ATP2B2: variants seen among roughly 807,000 people sequenced by gnomAD.
ATP2B2 encodes the protein ATPase plasma membrane Ca2+ transporting 2, also known as plasma membrane calcium-transporting ATPase 2.
Under a neutral mutation model 120.0 loss-of-function variants are expected in ATP2B2, and 15 were observed. That is an observed-to-expected ratio of 0.12 (90% confidence interval 0.08 to 0.19). The LOEUF (loss-of-function observed/expected upper bound fraction) is 0.19. Among genes scored for constraint, ATP2B2 ranks in the 10% least tolerant of loss-of-function variants. ATP2B2 has a pLI of 1.00. For missense variants in ATP2B2, 1,045 were observed against 1,719.8 expected (o/e 0.61, Z 6.94); for synonymous variants, 694 against 700.3 (o/e 0.99, Z 0.14).
intron 1 of ATP2B2, among the ~76,000 whole-genome samples, chr3:10,660,331 C>G (rs979736274): frequency 6.6e-6 from 1 of 151,906 alleles, no homozygotes; most frequent in Non-Finnish European, 1.5e-5. Flanking sequence ...AAAAGATCAA[C>G]AAAATTGATA....
chr3:10,367,803 C>A (rs924741428), intron 12 of ATP2B2, among the ~76,000 whole-genome samples: 3 of 152,230 alleles, frequency 2.0e-5, no homozygotes, highest in Non-Finnish European at 4.4e-5. Context: ...GTGTCACCCA[C>A]TCTGTGGGTT....
chr3:10,634,155 T>C (rs944725415), intron 1 of ATP2B2, among the ~76,000 whole-genome samples: 1 of 152,206 alleles, frequency 6.6e-6, no homozygotes, highest in Non-Finnish European at 1.5e-5. Context: ...CTGAGTTCCT[T>C]TCTGAATCAA....
intron 1 of ATP2B2, among the ~76,000 whole-genome samples, chr3:10,675,345 C>T (rs994161401): frequency 1.3e-5 from 2 of 152,228 alleles, no homozygotes; most frequent in African/African-American, 4.8e-5. Context: ...TCGTTGACCA[C>T]GTTCCCTTGT....
Position 10,402,007 on chromosome 3 carries a change from G to C in ATP2B2, c.655+84C>G. ...TTCAGGAATGCATCCCCTTCCTTGA[G>C]CCAATCTCTTTGCATCAGCCTGGCC... On this transcript the variant is annotated intron_variant, in intron 4 of 22. Transcript: ENST00000360273. This position sits in a 1 kb window ranked among gnomAD's most constrained non-coding sequence, Gnocchi z 4.9. 7 of 1,597,676 alleles carry C rather than the reference G, an allele frequency of 4.4e-6. No homozygotes were observed. The South Asian group carries it at 7.7e-5, about 18-fold the overall frequency.
intron 2 of ATP2B2, among the ~76,000 whole-genome samples, chr3:10,605,853 TG>T (rs1184812382): frequency 1.3e-5 from 2 of 152,180 alleles, no homozygotes; most frequent in African/African-American, 4.8e-5. Context: ...TTCGCCATGT[TG>T]GCCAGGCTGG....
intron 1 of ATP2B2, among the ~76,000 whole-genome samples, chr3:10,650,642 C>T (rs915234222): frequency 2.4e-4 from 37 of 152,216 alleles, no homozygotes; most frequent in African/African-American, 8.7e-4. Context: ...GCAGCCCCTC[C>T]TATCACAGGC....
At chr3:10,504,258 C>T (rs1049379361) in intron 1 of ATP2B2, among the ~76,000 whole-genome samples, 10 of 152,198 alleles carry the variant, frequency 6.6e-5, no homozygotes, top group Middle Eastern at 3.4e-3. Flanking sequence ...CCAAGGCCTG[C>T]GCTCCAAGCC....
intron 1 of ATP2B2, among the ~76,000 whole-genome samples, chr3:10,470,583 G>A (rs191801958): frequency 6.6e-6 from 1 of 152,306 alleles, no homozygotes; most frequent in East Asian, 1.9e-4. Context: ...GTGGTCCCAG[G>A]ATGAGCTAAG....
At chr3:10,334,206 G>A (rs1377960363) in intron 22 of ATP2B2, among the ~76,000 whole-genome samples, 1 of 152,206 alleles carries the variant, frequency 6.6e-6, no homozygotes, top group Non-Finnish European at 1.5e-5. Flanking sequence ...GTGAAGTGCT[G>A]CCCTTCAAGA....
chr3:10,402,412 G>A lies in ATP2B2; in HGVS notation c.398-64C>T, dbSNP rs142084374. On this transcript the variant is annotated intron_variant, in intron 3 of 22. Coordinates refer to ENST00000360273, the MANE Select transcript of ATP2B2 (RefSeq NM_001001331.4). The surrounding 1 kb of genome is among the most constrained non-coding windows in gnomAD (Gnocchi z 4.9). The stretch of plus-strand genomic sequence containing the variant: ...CAGACAGGAGAGGCCTCATGGGCCT[G>A]GATTTACAGCTCAGCTCTGCAAAGT... The A allele has an allele frequency of 5.6e-5, 89 of 1,597,998 alleles. No individual in the cohort carries two copies. Among genetic ancestry groups the A allele is most frequent in the Non-Finnish European group, 7.0e-5 (82 of 1,173,770 alleles).
chr3:10,439,491 T>C (rs1270116542), intron 2 of ATP2B2, among the ~76,000 whole-genome samples: 1 of 152,108 alleles, frequency 6.6e-6, no homozygotes, highest in African/African-American at 2.4e-5. Context: ...GCCAGGCACA[T>C]TGTGTGTTCT....
At chr3:10,636,432 C>T (rs1414970681) in intron 1 of ATP2B2, among the ~76,000 whole-genome samples, 1 of 152,204 alleles carries the variant, frequency 6.6e-6, no homozygotes, top group Middle Eastern at 3.4e-3. Flanking sequence ...ATGTCTAAGA[C>T]CCCAGGGAGA....
At chr3:10,610,072 CACAT>C (rs766613206) in intron 2 of ATP2B2, among the ~76,000 whole-genome samples, 1,852 of 71,976 alleles carry the variant, frequency 0.026, 18 homozygotes, top group Middle Eastern at 0.074. Flanking sequence ...TACATATACA[CACAT>C]ACACACACAC....
intron 5 of ATP2B2, among the ~76,000 whole-genome samples, chr3:10,391,605 G>A (rs2061851885): frequency 6.6e-6 from 1 of 152,204 alleles, no homozygotes. Flanking sequence ...TCAGGGAGGG[G>A]CTTAGGCATA....
intron 2 of ATP2B2, among the ~76,000 whole-genome samples, chr3:10,572,754 G>C (rs2068156341): frequency 6.6e-6 from 1 of 152,140 alleles, no homozygotes; most frequent in African/African-American, 2.4e-5. Context: ...GCATCTGCAG[G>C]GGCCACATGA....
upstream of ATP2B2, among the ~76,000 whole-genome samples, chr3:10,506,846 C>G (rs998886937): frequency 2.6e-4 from 40 of 152,246 alleles, no homozygotes; most frequent in African/African-American, 9.4e-4. Flanking sequence ...CCCGCCCGAG[C>G]GTCCCGAGCT....
Position 10,676,524 on chromosome 3 carries a change from C to CCACACACACA in ATP2B2, c.-460+31381_-460+31390dup, listed in dbSNP as rs150121114. Reference sequence around the variant, plus strand: ...GGATGGGGAGGGAGGAGGGACAGAACCACACACACACACACACACACCCTT... The same window carrying CCACACACACA: ...GGATGGGGAGGGAGGAGGGACAGAACCACACACACACACACACACACACACACACACCCTT... On this transcript the variant is annotated intron_variant, in intron 1 of 21. Coordinates refer to the ATP2B2 transcript ENST00000646379. Among the ~76,000 whole-genome samples, 53 of 149,218 alleles carry CCACACACACA rather than the reference C, an allele frequency of 3.6e-4. No individual in the cohort carries two copies. In the South Asian group the frequency reaches 0.01, roughly 29 times the overall value.
At chr3:10,443,461 G>A (rs970554459) in intron 2 of ATP2B2, among the ~76,000 whole-genome samples, 1 of 152,194 alleles carries the variant, frequency 6.6e-6, no homozygotes, top group Non-Finnish European at 1.5e-5. Context: ...GGCCCAGTGA[G>A]AGCGTAGTCT....
intron 3 of ATP2B2, among the ~76,000 whole-genome samples, chr3:10,525,065 G>C (rs896334569): frequency 6.6e-6 from 1 of 152,162 alleles, no homozygotes; most frequent in Non-Finnish European, 1.5e-5. Context: ...CTCCCTCTGG[G>C]GCCAAGGCCA....
Sources: gnomAD v4.1 joint callset for allele counts (sites outside exome capture counted in the v4.1 genomes callset) on GRCh38, gnomAD v4.1.1 for gene constraint, Gnocchi (gnomAD v3.1) non-coding constraint, MANE v1.5 for transcripts, NCBI Gene and HGNC (gene_info 2026-07-23, HGNC 2026-07-21) for gene names.